The following SHMT1 variants were observed in gnomAD, a reference collection of about 807,000 sequenced individuals.
The protein encoded by SHMT1 is serine hydroxymethyltransferase 1.
SHMT1 carries 45 observed loss-of-function variants against 49.0 expected under a neutral mutation model. That is an observed-to-expected ratio of 0.92 (90% CI 0.72 to 1.18). The LOEUF (loss-of-function observed/expected upper bound fraction) is 1.18, where lower values mean the gene tolerates loss of function less well. Among genes scored for constraint, SHMT1 ranks in the 50% most tolerant of loss-of-function variants. The probability of loss-of-function intolerance (pLI) is 0.00; values close to 1 mark genes in which losing one functional copy is unlikely to be tolerated. For missense variants in SHMT1, 541 were observed against 612.4 expected (o/e 0.88, Z 1.23); for synonymous variants, 232 against 246.6 (o/e 0.94, Z 0.55).
At chr17:18,332,046 C>A (rs1983269221) in intron 9 of SHMT1, 1 of 152,314 alleles carries the variant, frequency 6.6e-6, no homozygotes, top group Non-Finnish European at 1.5e-5. Flanking sequence ...GGAGGCGGAG[C>A]TCAGGTGGCA....
At chr17:18,331,816 G>GACC (rs891413416) in intron 9 of SHMT1, 3 of 152,278 alleles carry the variant, frequency 2.0e-5, no homozygotes, top group African/African-American at 7.2e-5. Context: ...TGGTTATGTG[G>GACC]AAGACAGTTT....
chr17:18,343,338 G>A (rs897548445), intron 5 of SHMT1, among the ~76,000 whole-genome samples: 17 of 152,208 alleles, frequency 1.1e-4, no homozygotes, highest in Non-Finnish European at 2.5e-4. Context: ...GCCAGGCGTG[G>A]TGGCTCACAT....
chr17:18,333,368 T>C, intron 8 of SHMT1, 80 bp from the exon 9 acceptor site: 1 of 1,423,834 alleles, frequency 7.0e-7, no homozygotes, highest in Non-Finnish European at 9.7e-7. Context: ...TTCCTGTTTT[T>C]ACTCAAGCTT....
intron 7 of SHMT1, among the ~76,000 whole-genome samples, chr17:18,337,744 G>C (rs1474724312): frequency 6.6e-6 from 1 of 152,208 alleles, no homozygotes; most frequent in African/African-American, 2.4e-5. Flanking sequence ...ACTGGTTTTC[G>C]TATTTTTTTG....
At chr17:18,333,721 T>C (rs534785982) in intron 8 of SHMT1, among the ~76,000 whole-genome samples, 50 of 151,932 alleles carry the variant, frequency 3.3e-4, no homozygotes, top group African/African-American at 1.1e-3. Flanking sequence ...CCGCCTGCCT[T>C]GGCCTCCCCA....
At chr17:18,349,735 G>GCC in intron 3 of SHMT1, among the ~76,000 whole-genome samples, 1 of 151,908 alleles carries the variant, frequency 6.6e-6, no homozygotes, top group East Asian at 1.9e-4. Flanking sequence ...AAATAAATAG[G>GCC]CCGGGCCCGG....
intron 3 of SHMT1, 56 bp downstream of exon 3, chr17:18,353,616 G>GAC (rs1985934744): frequency 6.3e-7 from 1 of 1,579,968 alleles, no homozygotes; most frequent in Non-Finnish European, 8.7e-7. Context: ...GTCCTAGGCT[G>GAC]ACTGAGTACT....
intron 3 of SHMT1, 100 bp from the exon 4 acceptor site, chr17:18,348,540 T>C: frequency 1.2e-6 from 1 of 834,314 alleles, no homozygotes. Context: ...GAAACTAAAG[T>C]GGAGAGAAGT....
chr17:18,328,781 A>G lies in SHMT1; in HGVS notation c.1421T>C (p.Leu474Pro), dbSNP rs754597433. 1 of 1,594,996 alleles carries G rather than the reference A, an allele frequency of 6.3e-7. No individual in the cohort carries two copies. Among genetic ancestry groups the G allele is most frequent in the Non-Finnish European group, 8.5e-7 (1 of 1,170,338 alleles). Reference protein sequence around the residue: ...LREEVESFASLFPLPGLPDF With the variant: ...LREEVESFASPFPLPGLPDF ...GTCAGGCAGGCCAGGCAGAGGGAAG[A>G]GAGAGGCGAAGCTCTCAACCTCCTC... Residue 474 changes from leucine to proline, a missense_variant, in exon 12 of 12, where the codon CTC becomes CCC. By Grantham distance (98) the Leu-to-Pro change is moderately conservative. Coordinates refer to ENST00000316694, the MANE Select transcript of SHMT1 (RefSeq NM_004169.5).
rs1222499944 is a variant in SHMT1 at position 18,340,213 on chromosome 17, C to T, written c.644G>A (p.Arg215Gln). 1.2e-6 allele frequency: 2 copies of T among 1,614,204 alleles called. No individual in the cohort carries two copies. Among genetic ancestry groups the T allele is most frequent in the Admixed American group, 1.7e-5 (1 of 60,024 alleles). ...CGCCCCGTTCTCATCTGCAATCTTC[C>T]GTAGCCGGGCATATTCCAGGTTTCG... is the stretch of plus-strand genomic sequence containing the variant. ...YSRNLEYARL[R>Q]KIADENGAYL... is the part of the protein sequence containing the mutation. The change falls in exon 7 of 12, where the codon CGG (arginine) becomes CAG (glutamine). Residue 215 changes from arginine (R) to glutamine (Q), a missense_variant. Coordinates refer to ENST00000316694, the MANE Select transcript of SHMT1 (RefSeq NM_004169.5). This position sits in a 1 kb window ranked among gnomAD's most constrained non-coding sequence, Gnocchi z 4.5.
At position 18,356,019 on chromosome 17, in the gene SHMT1, C is replaced by T. The variant is rs551185637; in HGVS notation, c.-19-19G>A. The T allele has an allele frequency of 2.3e-5, 26 of 1,144,986 alleles. No homozygotes were observed. In the East Asian group the frequency reaches 5.6e-4, roughly 25 times the overall value. 70.9% of individuals were successfully genotyped at this position (1,144,986 alleles called of 1,614,324 possible). A position where few individuals can be genotyped will look rare whatever the true frequency, so the allele number is the denominator to read the frequency against. The stretch of plus-strand genomic sequence containing the variant: ...AAGCTGCCTAAAAAAATGGGAAAAA[C>T]ATGTGTAGCTTCCAGAATTAAATTT... On this transcript the variant is annotated intron_variant, in intron 1 of 11. Transcript: ENST00000316694.
chr17:18,349,079 C>T (rs1181024375), intron 3 of SHMT1, among the ~76,000 whole-genome samples: 1 of 146,834 alleles, frequency 6.8e-6, no homozygotes. Context: ...AAACCAGTCA[C>T]CACAAGACAA....
chr17:18,334,986 T>C (rs1351818296), intron 8 of SHMT1, among the ~76,000 whole-genome samples: 1 of 152,190 alleles, frequency 6.6e-6, no homozygotes, highest in African/African-American at 2.4e-5. Flanking sequence ...CTGAGCCCCT[T>C]AGCGGGAATG....
At chr17:18,348,542 G>T in intron 3 of SHMT1, 102 bp from the exon 4 acceptor site, 1 of 832,590 alleles carries the variant, frequency 1.2e-6, no homozygotes. Flanking sequence ...AACTAAAGTG[G>T]AGAGAAGTAA....
At chr17:18,337,643 C>T (rs895371145) in intron 7 of SHMT1, among the ~76,000 whole-genome samples, 30 of 150,092 alleles carry the variant, frequency 2.0e-4, no homozygotes, top group East Asian at 3.9e-4. Flanking sequence ...ACTGTACTGC[C>T]GCCATCTCGG....
intron 1 of SHMT1, among the ~76,000 whole-genome samples, chr17:18,359,799 A>G (rs1986584895): frequency 6.6e-6 from 1 of 152,008 alleles, no homozygotes; most frequent in Non-Finnish European, 1.5e-5. Flanking sequence ...TACTAAAATT[A>G]GCTGGGTGTG....
In SHMT1 at chr17:18,354,279, C is replaced by T. The variant is rs550149888; in HGVS notation, c.97-462G>A. ...ACTAAAAAATACAAAATTAGCCGGG[C>T]ATGGTGGCACATGCCTGTAATCCCA... On this transcript the variant is annotated intron_variant, in intron 2 of 11. Transcript: ENST00000316694. Among the ~76,000 whole-genome samples the T allele has an allele frequency of 4.9e-4, 75 of 152,288 alleles. No individual in the cohort carries two copies. In the Middle Eastern group the frequency reaches 0.01, roughly 21 times the overall value.
chr17:18,355,651 C>T (rs1364017645), intron 2 of SHMT1, among the ~76,000 whole-genome samples: 1 of 149,076 alleles, frequency 6.7e-6, no homozygotes, highest in African/African-American at 2.5e-5. Context: ...TCAGTGATCT[C>T]TCCCCTTCTC....
Position 18,340,759 on chromosome 17 carries a change from G to T in SHMT1, c.574C>A (p.Leu192Ile). Residue 192 changes from leucine (L) to isoleucine (I), a missense_variant, in exon 6 of 12, where the codon CTC becomes ATC. Physicochemically the swap from Leu to Ile is conservative, Grantham distance 5. Transcript: ENST00000316694. The surrounding 1 kb of genome is among the most constrained non-coding windows in gnomAD (Gnocchi z 4.5). ...GCGATGATCAGCTTCGGGTGGAAGA[G>T]GCGTGCGTTCTCCTCCAGCTGGTCA... ...NYDQLEENARLFHPKLIIAGT... is the reference protein window; with the variant it reads ...NYDQLEENARIFHPKLIIAGT... 1 of 1,613,258 alleles carries T rather than the reference G, an allele frequency of 6.2e-7. No individual in the cohort carries two copies. The highest frequency in any genetic ancestry group is 8.5e-7 in the Non-Finnish European group (1 of 1,179,720).
Sources: allele counts gnomAD v4.1 joint callset (sites outside exome capture counted in the v4.1 genomes callset), GRCh38; gene constraint gnomAD v4.1.1; non-coding constraint Gnocchi (gnomAD v3.1); transcripts MANE v1.5; gene names NCBI Gene and HGNC (gene_info 2026-07-23, HGNC 2026-07-21).